SRPRB: variants seen among roughly 807,000 people sequenced by gnomAD.
SRPRB encodes the protein signal recognition particle receptor subunit beta.
In SRPRB, 20 loss-of-function variants were observed where a neutral mutation model predicts 31.9. That is an observed-to-expected ratio of 0.63 (90% CI 0.44 to 0.91). The LOEUF (loss-of-function observed/expected upper bound fraction) is 0.91. Ranked by LOEUF, SRPRB falls within the 40% of genes least tolerant of loss-of-function variation. SRPRB has a pLI of 0.00. For synonymous variants in SRPRB, 146 were observed against 132.8 expected, an observed-to-expected ratio of 1.10 and a Z score of -0.68; for missense variants, 321 against 324.9, an observed-to-expected ratio of 0.99 and a Z score of 0.09.
intron 1 of SRPRB, among the ~76,000 whole-genome samples, chr3:133,799,979 A>G (rs1935038111): frequency 6.6e-6 from 1 of 152,228 alleles, no homozygotes; most frequent in Non-Finnish European, 1.5e-5. Context: ...GCACGCTTTC[A>G]GTAAAGCCAG....
chr3:133,804,851 CAATTA>C (rs1323717527), upstream of SRPRB, among the ~76,000 whole-genome samples: 7 of 152,162 alleles, frequency 4.6e-5, 1 homozygote, highest in Admixed American at 2.0e-4. Context: ...CTCAGCCATA[CAATTA>C]AATTAAATAA....
At chr3:133,797,860 A>C (rs1393334981) in intron 1 of SRPRB, among the ~76,000 whole-genome samples, 1 of 152,162 alleles carries the variant, frequency 6.6e-6, no homozygotes, top group Non-Finnish European at 1.5e-5. Context: ...GCCTTCTGGG[A>C]GTAATCTTTG....
At chr3:133,817,493 T>A (rs574136075) in intron 6 of SRPRB, among the ~76,000 whole-genome samples, 3 of 152,192 alleles carry the variant, frequency 2.0e-5, no homozygotes, top group Non-Finnish European at 4.4e-5. Flanking sequence ...GGCAATATTA[T>A]ATATCCTGCT....
downstream of SRPRB, chr3:133,827,615 G>A (rs376113060): frequency 6.6e-6 from 3 of 453,164 alleles, no homozygotes; most frequent in Non-Finnish European, 1.2e-5. Flanking sequence ...TGTCCACAAA[G>A]ACTTCAACTG....
intron 6 of SRPRB, among the ~76,000 whole-genome samples, chr3:133,817,989 G>A (rs1277026202): frequency 6.6e-6 from 1 of 152,142 alleles, no homozygotes; most frequent in Admixed American, 6.5e-5. Flanking sequence ...TTAATTTCTG[G>A]CTCTTTGCAG....
At chr3:133,822,485 C>A (rs1050677621), downstream of SRPRB, among the ~76,000 whole-genome samples, 12 of 152,116 alleles carry the variant, frequency 7.9e-5, no homozygotes, top group Admixed American at 3.3e-4. Flanking sequence ...GCCTTGGTAG[C>A]CTCTCCACTA....
intron 1 of SRPRB, chr3:133,792,599 C>A (rs1934868630): frequency 1.3e-5 from 2 of 152,120 alleles, no homozygotes; most frequent in Non-Finnish European, 2.9e-5. Context: ...GTAAAACTCG[C>A]TAAGAGTTAA....
chr3:133,817,461 T>A (rs1559893185), intron 6 of SRPRB, among the ~76,000 whole-genome samples: 1 of 152,224 alleles, frequency 6.6e-6, no homozygotes, highest in Non-Finnish European at 1.5e-5. Flanking sequence ...ACATTATAGC[T>A]TCTTAGATTG....
At chr3:133,812,061 A>G (rs1000522725) in intron 4 of SRPRB, among the ~76,000 whole-genome samples, 4 of 152,218 alleles carry the variant, frequency 2.6e-5, no homozygotes, top group African/African-American at 9.6e-5. Context: ...CTGAAGAGGA[A>G]AATCAGTATG....
chr3:133,803,060 C>T (rs919654420), upstream of SRPRB, among the ~76,000 whole-genome samples: 1 of 152,194 alleles, frequency 6.6e-6, no homozygotes, highest in African/African-American at 2.4e-5. Flanking sequence ...TCAGACATCT[C>T]TCAAATTTGT....
intron 5 of SRPRB, among the ~76,000 whole-genome samples, chr3:133,815,978 G>C (rs1559892807): frequency 6.6e-6 from 1 of 152,100 alleles, no homozygotes; most frequent in Admixed American, 6.5e-5. Flanking sequence ...TGTTTTTTCT[G>C]ATTATAAATT....
chr3:133,827,746 A>ACCACCCCCC (rs1559896922), downstream of SRPRB: 3 of 73,662 alleles, frequency 4.1e-5, no homozygotes, highest in Non-Finnish European at 8.0e-5. Context: ...TGCAGACAAC[A>ACCACCCCCC]CCCCCCCCCC....
chr3:133,790,694 G>T (rs1934809924), intron 1 of SRPRB: 1 of 152,202 alleles, frequency 6.6e-6, no homozygotes, highest in African/African-American at 2.4e-5. Flanking sequence ...CATGAAGCCG[G>T]ATTTGGTGTG....
chr3:133,786,867 T>C (rs536987300), intron 1 of SRPRB: 1 of 152,252 alleles, frequency 6.6e-6, no homozygotes, highest in African/African-American at 2.4e-5. Flanking sequence ...ATGTTCAGAA[T>C]TGCCTGATGT....
downstream of SRPRB, among the ~76,000 whole-genome samples, chr3:133,824,014 C>T (rs911024798): frequency 1.8e-4 from 28 of 152,124 alleles, no homozygotes; most frequent in African/African-American, 6.3e-4. Flanking sequence ...TAGGGGAATG[C>T]GTGTGGATTT....
intron 6 of SRPRB, among the ~76,000 whole-genome samples, chr3:133,818,580 T>G (rs1935406745): frequency 1.1e-5 from 1 of 94,200 alleles, no homozygotes; most frequent in African/African-American, 6.3e-5. Flanking sequence ...AATACATGTT[T>G]TACTTTTTTC....
At chr3:133,804,038 G>T (rs1935103843), upstream of SRPRB, among the ~76,000 whole-genome samples, 1 of 141,356 alleles carries the variant, frequency 7.1e-6, no homozygotes, top group African/African-American at 2.7e-5. Context: ...GGAGCTTGCA[G>T]TGAGCCGAGA....
At chr3:133,813,421 C>T (rs1576383841) in intron 4 of SRPRB, among the ~76,000 whole-genome samples, 1 of 152,126 alleles carries the variant, frequency 6.6e-6, no homozygotes, top group Non-Finnish European at 1.5e-5. Context: ...CTTTCTACTT[C>T]GCATATTGTA....
chr3:133,788,865 A>G (rs1470186685), intron 1 of SRPRB: 1 of 152,278 alleles, frequency 6.6e-6, no homozygotes, highest in Non-Finnish European at 1.5e-5. Flanking sequence ...GGCTAAGGAC[A>G]AAAGAAGCCT....
Sources: allele counts gnomAD v4.1 joint callset (sites outside exome capture counted in the v4.1 genomes callset), GRCh38; gene constraint gnomAD v4.1.1; transcripts MANE v1.5; gene names NCBI Gene and HGNC (gene_info 2026-07-23, HGNC 2026-07-21).